TPST2: variants seen among roughly 807,000 people sequenced by gnomAD.
The protein encoded by TPST2 is protein-tyrosine sulfotransferase 2.
A neutral mutation model predicts 27.8 loss-of-function variants in TPST2; 16 were observed. The observed-to-expected ratio is 0.58, with a 90% CI of 0.39 to 0.88. TPST2 has a LOEUF of 0.88. TPST2 is among the 40% of genes least tolerant of loss of function. TPST2 has a pLI of 0.00. For synonymous variants in TPST2, 229 were observed against 231.7 expected (o/e 0.99, Z 0.10); for missense variants, 464 against 543.1 (o/e 0.85, Z 1.45).
intron 1 of TPST2, among the ~76,000 whole-genome samples, chr22:26,576,031 TAAATAAAATA>T (rs1555935347): frequency 6.0e-5 from 9 of 150,128 alleles, no homozygotes; most frequent in South Asian, 4.2e-4. Context: ...AAAAAATAAA[TAAATAAAATA>T]AAATAAAATA....
At chr22:26,535,895 T>A (rs993757972) in intron 4 of TPST2, 1 of 353,262 alleles carries the variant, frequency 2.8e-6, no homozygotes, top group Non-Finnish European at 5.6e-6. Flanking sequence ...TTAAACCTTA[T>A]AAGACAAGAA....
chr22:26,536,267 C>T (rs377701433), intron 4 of TPST2, 21 bp downstream of exon 4: 3 of 1,613,804 alleles, frequency 1.9e-6, no homozygotes, highest in Non-Finnish European at 2.5e-6. Flanking sequence ...TACACTTCCA[C>T]AAGTACAGGT....
At chr22:26,575,109 T>C (rs1927778825) in intron 1 of TPST2, among the ~76,000 whole-genome samples, 3 of 151,988 alleles carry the variant, frequency 2.0e-5, no homozygotes, top group Non-Finnish European at 4.4e-5. Flanking sequence ...CTCCCGCCCC[T>C]CCACTTCCCC....
chr22:26,527,809 A>G (rs1924922447), intron 6 of TPST2, among the ~76,000 whole-genome samples: 1 of 152,210 alleles, frequency 6.6e-6, no homozygotes, highest in Non-Finnish European at 1.5e-5. Flanking sequence ...ACGACTTGTG[A>G]CTGTTATTAG....
At chr22:26,527,843 G>A (rs1177744012) in intron 6 of TPST2, among the ~76,000 whole-genome samples, 3 of 152,212 alleles carry the variant, frequency 2.0e-5, no homozygotes, top group Non-Finnish European at 2.9e-5. Context: ...CTGGCCCAAC[G>A]CTGATGCTGT....
chr22:26,589,731 C>G (rs916448111), intron 1 of TPST2, among the ~76,000 whole-genome samples: 1 of 152,158 alleles, frequency 6.6e-6, no homozygotes, highest in African/African-American at 2.4e-5. Context: ...CCCCCCCAGT[C>G]CCCCCGCCAA....
At chr22:26,532,917 T>C (rs1925249874) in intron 4 of TPST2, among the ~76,000 whole-genome samples, 172 bp from the exon 5 acceptor site, 1 of 152,196 alleles carries the variant, frequency 6.6e-6, no homozygotes, top group African/African-American at 2.4e-5. Context: ...AAGCATTGTG[T>C]CTGGTTGACA....
intron 1 of TPST2, among the ~76,000 whole-genome samples, chr22:26,562,215 T>G (rs1276270938): frequency 6.6e-6 from 1 of 152,218 alleles, no homozygotes; most frequent in Non-Finnish European, 1.5e-5. Flanking sequence ...TGTGTGACCT[T>G]GGGAGAGTCC....
rs745848347 is a variant in TPST2, at chr22:26,541,615, G to A, written c.16C>T (p.Arg6Trp). 8.2e-6 allele frequency: 13 copies of A among 1,580,490 alleles called. No individual in the cohort carries two copies. Among genetic ancestry groups the A allele is most frequent in the African/African-American group, 4.0e-5 (3 of 74,484 alleles). ...CAGCCGGCTGCCAGCAGCACCCTCC[G>A]CACCGACAGGCGCATGCTGGGCCGG... MRLSV[R>W]RVLLAAGCAL... Residue 6 changes from arginine to tryptophan, a missense_variant, in exon 3 of 7, where the codon CGG becomes TGG. Transcript: ENST00000338754. The surrounding 1 kb of genome is among the most constrained non-coding windows in gnomAD (Gnocchi z 5.9).
intron 1 of TPST2, among the ~76,000 whole-genome samples, chr22:26,572,281 G>A (rs1927659815): frequency 6.6e-6 from 1 of 152,096 alleles, no homozygotes; most frequent in African/African-American, 2.4e-5. Context: ...GAATTCTGCG[G>A]GGAGGCTAAG....
chr22:26,548,549 AAAG>A (rs1363647020), intron 1 of TPST2, among the ~76,000 whole-genome samples: 1 of 140,518 alleles, frequency 7.1e-6, no homozygotes, highest in African/African-American at 2.7e-5. Flanking sequence ...GAGAAAGAAA[AAAG>A]AGAAAGAGAG....
intron 5 of TPST2, among the ~76,000 whole-genome samples, chr22:26,529,041 T>G (rs1875014464): frequency 6.6e-6 from 1 of 151,656 alleles, no homozygotes; most frequent in Admixed American, 6.6e-5. Flanking sequence ...GCTAATGACA[T>G]GACTAATGGC....
rs1012445785 is a variant in TPST2 at position 26,524,675 on chromosome 22, A to G, written c.*1600T>C. On this transcript the variant is annotated 3_prime_UTR_variant, in exon 7 of 7. Transcript: ENST00000338754. ...CAAAAGCCTCATATTATCATGAGAT[A>G]TAAGGCAAGGAGGTATGGGTAAAAC... 6.6e-6 allele frequency: 1 copy of G among 152,230 alleles called. No individual in the cohort carries two copies. The highest frequency in any genetic ancestry group is 6.5e-5 in the Admixed American group (1 of 15,280). 9.4% of individuals were successfully genotyped at this position (152,230 alleles called of 1,614,324 possible). A position where few individuals can be genotyped will look rare whatever the true frequency, so the allele number is the denominator to read the frequency against.
chr22:26,579,222 G>A (rs1429120931), intron 1 of TPST2, among the ~76,000 whole-genome samples: 2 of 152,174 alleles, frequency 1.3e-5, no homozygotes, highest in African/African-American at 4.8e-5. Context: ...AATATGCACT[G>A]CTGGTCTACT....
At chr22:26,542,215 G>A (rs1458317372) in intron 2 of TPST2, among the ~76,000 whole-genome samples, 2 of 149,518 alleles carry the variant, frequency 1.3e-5, no homozygotes, top group African/African-American at 4.9e-5. Flanking sequence ...GCACTCCAGC[G>A]TGGGCGACAG....
intron 1 of TPST2, among the ~76,000 whole-genome samples, chr22:26,581,054 GCA>G (rs1029527012): frequency 1.5e-3 from 70 of 46,760 alleles, no homozygotes; most frequent in African/African-American, 2.6e-3. Context: ...ACACACACAC[GCA>G]CACACACACA....
intron 6 of TPST2, among the ~76,000 whole-genome samples, chr22:26,527,417 C>A (rs1924900984): frequency 6.6e-6 from 1 of 152,200 alleles, no homozygotes; most frequent in South Asian, 2.1e-4. Context: ...CACGCCATCT[C>A]ATGGCCAACC....
In TPST2 at chr22:26,541,301, G is replaced by C; in HGVS notation, c.330C>G (p.Arg110=). ...TRIIPRVLAM[R]QAWSKSGREK... ...CACGGCCAGACTTGGACCAGGCCTG[G>C]CGCATGGCCAGCACGCGCGGGATGA... The change falls in exon 3 of 7, where the codon CGC becomes CGG. Residue 110 remains arginine (R), a synonymous_variant. Transcript: ENST00000338754. The surrounding 1 kb of genome is among the most constrained non-coding windows in gnomAD (Gnocchi z 5.9). 2 of 1,541,846 alleles carry C rather than the reference G, an allele frequency of 1.3e-6. No homozygotes were observed. Among genetic ancestry groups the C allele is most frequent in the Admixed American group, 3.9e-5 (2 of 51,248 alleles).
At chr22:26,579,259 T>C (rs1927991781) in intron 1 of TPST2, among the ~76,000 whole-genome samples, 2 of 152,202 alleles carry the variant, frequency 1.3e-5, no homozygotes, top group South Asian at 2.1e-4. Context: ...AATGACCACG[T>C]AGCAGAATGA....
Sources: gnomAD v4.1 joint callset for allele counts (sites outside exome capture counted in the v4.1 genomes callset) on GRCh38, gnomAD v4.1.1 for gene constraint, Gnocchi (gnomAD v3.1) non-coding constraint, MANE v1.5 for transcripts, NCBI Gene and HGNC (gene_info 2026-07-23, HGNC 2026-07-21) for gene names.